Variants in BPGM observed in about 807,000 individuals in gnomAD.
BPGM encodes 2,3-bisphosphoglycerate mutase, erythrocyte.
BPGM carries 15 observed loss-of-function variants against 21.6 expected under a neutral mutation model. The observed-to-expected ratio is 0.70, with a 90% CI of 0.47 to 1.07. BPGM has a LOEUF of 1.07. BPGM is among the 50% of genes least tolerant of loss of function. BPGM has a pLI of 0.00. For missense variants in BPGM, 273 were observed against 319.0 expected, an observed-to-expected ratio of 0.86 and a Z score of 1.10; for synonymous variants, 113 against 116.2, an observed-to-expected ratio of 0.97 and a Z score of 0.18.
intron 2 of BPGM, among the ~76,000 whole-genome samples, chr7:134,673,766 G>A (rs1445717922): frequency 6.6e-6 from 1 of 152,104 alleles, no homozygotes; most frequent in African/African-American, 2.4e-5. Context: ...CTCAGTAGTC[G>A]TGGAAATAAC....
rs1476679017 is a variant in BPGM at position 134,665,316 on chromosome 7, G to C, written c.601+3208G>C. On this transcript the variant is annotated intron_variant, in intron 2 of 2. Coordinates refer to ENST00000344924, the MANE Select transcript of BPGM (RefSeq NM_001724.5). ...ATGATGAGTTCATATCCTTTGTAGGGACATGGATGAAATTGGAAACCATCA... is the reference window on the plus strand; with the variant it reads ...ATGATGAGTTCATATCCTTTGTAGGCACATGGATGAAATTGGAAACCATCA... 4.3e-5 allele frequency among the ~76,000 whole-genome samples: 4 copies of C among 93,028 alleles called. 2 individuals are homozygous for C. The highest frequency in any genetic ancestry group is 7.9e-5 in the Non-Finnish European group (4 of 50,428). The allele number at this position is 93,028 out of a possible 152,430, so 61.0% of individuals were successfully genotyped here.
chr7:134,676,240 C>T (rs1288633713), intron 2 of BPGM, among the ~76,000 whole-genome samples: 1 of 152,094 alleles, frequency 6.6e-6, no homozygotes, highest in African/African-American at 2.4e-5. Flanking sequence ...AGTCATTCTA[C>T]AATAAAGTCC....
Position 134,661,006 on chromosome 7 carries a change from C to CT in BPGM, c.-61-436dup, listed in dbSNP as rs762337294. 4.6e-5 allele frequency among the ~76,000 whole-genome samples: 7 copies of CT among 152,276 alleles called. No individual in the cohort carries two copies. Among genetic ancestry groups the CT allele is most frequent in the Non-Finnish European group, 7.4e-5 (5 of 68,026 alleles). ...AAGAATGTGAGACTGGTAAATACTT[C>CT]TTTTTCCACCACAGGAAAACAAAGT... On this transcript the variant is annotated intron_variant, in intron 1 of 2. Transcript: ENST00000344924. The surrounding 1 kb of genome is among the most constrained non-coding windows in gnomAD (Gnocchi z 4.6).
At chr7:134,665,649 G>GAAAAAAAAAAAAAAAAAAAAAAAAAA (rs1164169964) in intron 2 of BPGM, among the ~76,000 whole-genome samples, 1 of 78,192 alleles carries the variant, frequency 1.3e-5, no homozygotes, top group Non-Finnish European at 3.1e-5. Flanking sequence ...AAAAATTAAT[G>GAAAAAAAAAAAAAAAAAAAAAAAAAA]AAAAAAAAAA....
At chr7:134,655,894 G>T (rs1019775891) in intron 1 of BPGM, among the ~76,000 whole-genome samples, 1 of 152,142 alleles carries the variant, frequency 6.6e-6, no homozygotes, top group Non-Finnish European at 1.5e-5. Flanking sequence ...AGTCTTACAG[G>T]GCACATAGCC....
At chr7:134,673,472 CAG>C (rs1173936661) in intron 2 of BPGM, among the ~76,000 whole-genome samples, 1 of 152,184 alleles carries the variant, frequency 6.6e-6, no homozygotes, top group African/African-American at 2.4e-5. Context: ...TGCTATTAAA[CAG>C]GGGACCTGTT....
At chr7:134,667,324 GC>G (rs1430178083) in intron 2 of BPGM, among the ~76,000 whole-genome samples, 2 of 152,076 alleles carry the variant, frequency 1.3e-5, no homozygotes, top group African/African-American at 2.4e-5. Flanking sequence ...TGTGGTTAAT[GC>G]CTGTTGTCCG....
At chr7:134,649,351 A>C (rs566522964) in intron 1 of BPGM, among the ~76,000 whole-genome samples, 10 of 152,304 alleles carry the variant, frequency 6.6e-5, no homozygotes, top group African/African-American at 2.4e-4. Flanking sequence ...AATGTCACTT[A>C]GAAGCAACTA....
At chr7:134,675,177 T>G (rs1402012208) in intron 2 of BPGM, among the ~76,000 whole-genome samples, 2 of 152,192 alleles carry the variant, frequency 1.3e-5, no homozygotes, top group African/African-American at 4.8e-5. Context: ...ATATATGATA[T>G]ACAAATTTTT....
rs146762413 is a variant in BPGM, at chr7:134,650,903, C to T, written c.-62+3966C>T. ...TCACGCCACTGCACTCCAGCCTGGG[C>T]GACAGAGTGAGACTGCGTCTCAAAA... On this transcript the variant is annotated intron_variant, in intron 1 of 2. Transcript: ENST00000344924. Among the ~76,000 whole-genome samples the T allele has an allele frequency of 3.2e-3, 493 of 152,296 alleles. 1 individual carries two copies. The highest frequency in any genetic ancestry group is 0.011 in the African/African-American group (461 of 41,554).
rs146970055 is a variant in BPGM, at chr7:134,661,942, C to T, written c.435C>T (p.Cys145=). Residue 145 remains cysteine (C), a synonymous_variant, in exon 2 of 3, where the codon TGC becomes TGT. Transcript: ENST00000344924. The surrounding 1 kb of genome is among the most constrained non-coding windows in gnomAD (Gnocchi z 4.6). ...EIYNDRRYKV[C]DVPLDQLPRS... ...ACAACGACCGGAGGTATAAAGTATGCGATGTGCCCTTGGATCAACTGCCAC... is the reference window on the plus strand; with the variant it reads ...ACAACGACCGGAGGTATAAAGTATGTGATGTGCCCTTGGATCAACTGCCAC... 3.4e-5 allele frequency: 55 copies of T among 1,614,062 alleles called. No homozygotes were observed. In the African/African-American group the frequency reaches 4.7e-4, roughly 14 times the overall value.
intron 1 of BPGM, among the ~76,000 whole-genome samples, chr7:134,650,550 A>G (rs977458917): frequency 3.3e-5 from 5 of 152,230 alleles, no homozygotes; most frequent in African/African-American, 1.2e-4. Context: ...GTAATAGACC[A>G]TGGAACACTT....
intron 1 of BPGM, among the ~76,000 whole-genome samples, chr7:134,657,643 TAG>T (rs2131423743): frequency 6.6e-6 from 1 of 152,240 alleles, no homozygotes; most frequent in East Asian, 1.9e-4. Flanking sequence ...CACCCCCCAC[TAG>T]AGAGAGAAGC....
At chr7:134,675,320 TAACTC>T (rs1795967709) in intron 2 of BPGM, among the ~76,000 whole-genome samples, 2 of 152,180 alleles carry the variant, frequency 1.3e-5, no homozygotes, top group South Asian at 4.1e-4. Flanking sequence ...AACCATTAAT[TAACTC>T]AAGGTGATGA....
intron 2 of BPGM, among the ~76,000 whole-genome samples, chr7:134,667,598 C>T (rs1207080350): frequency 1.3e-5 from 2 of 152,184 alleles, no homozygotes; most frequent in Non-Finnish European, 2.9e-5. Context: ...AGAATTGAAT[C>T]TAGAAATGGG....
rs1205444718 is a variant in BPGM at position 134,647,035 on chromosome 7, C to T, written c.-62+98C>T. On this transcript the variant is annotated intron_variant, in intron 1 of 2. Transcript: ENST00000344924. ...GCGGGGAAGGCCAGTTTCTTTACTT[C>T]CCCCGGTTTAGTCGTTGGTGGGAGT... The T allele has an allele frequency of 3.2e-5, 5 of 154,578 alleles. No homozygotes were observed. In the South Asian group the frequency reaches 6.8e-4, roughly 21 times the overall value. The allele number at this position is 154,578 out of a possible 1,614,324, so 9.6% of individuals were successfully genotyped here.
chr7:134,672,440 G>C (rs1411012833), intron 2 of BPGM, among the ~76,000 whole-genome samples: 3 of 152,124 alleles, frequency 2.0e-5, no homozygotes, highest in African/African-American at 7.2e-5. Flanking sequence ...TTTAGTGAAT[G>C]TTTGTTCAAC....
intron 2 of BPGM, among the ~76,000 whole-genome samples, chr7:134,674,192 C>T (rs908270812): frequency 6.6e-6 from 1 of 152,272 alleles, no homozygotes; most frequent in Middle Eastern, 3.4e-3. Context: ...AGATTAGAGG[C>T]ATGAGCCACT....
At chr7:134,664,811 ACT>A (rs1384788617) in intron 2 of BPGM, among the ~76,000 whole-genome samples, 17 of 152,116 alleles carry the variant, frequency 1.1e-4, no homozygotes, top group African/African-American at 4.1e-4. Context: ...CATTGAAATA[ACT>A]CTGTTATGTG....
Sources: allele counts gnomAD v4.1 joint callset (sites outside exome capture counted in the v4.1 genomes callset), GRCh38; gene constraint gnomAD v4.1.1; non-coding constraint Gnocchi (gnomAD v3.1); transcripts MANE v1.5; gene names NCBI Gene and HGNC (gene_info 2026-07-23, HGNC 2026-07-21).